ALDH1A1: variants seen among roughly 807,000 people sequenced by gnomAD.
ALDH1A1 encodes aldehyde dehydrogenase 1A1.
Under a neutral mutation model 62.1 loss-of-function variants are expected in ALDH1A1, and 19 were observed. That is an observed-to-expected ratio of 0.31 (90% CI 0.21 to 0.45). ALDH1A1 has a LOEUF of 0.45. Ranked by LOEUF, ALDH1A1 falls within the 20% of genes least tolerant of loss-of-function variation. ALDH1A1 has a pLI of 1.00. For missense variants in ALDH1A1, 521 were observed against 607.1 expected, an observed-to-expected ratio of 0.86 and a Z score of 1.49; for synonymous variants, 231 against 215.9, an observed-to-expected ratio of 1.07 and a Z score of -0.61.
intron 2 of ALDH1A1, among the ~76,000 whole-genome samples, chr9:72,935,744 G>C (rs532673700): frequency 2.6e-5 from 4 of 151,902 alleles, no homozygotes; most frequent in Admixed American, 6.6e-5. Context: ...TTATAATACC[G>C]TTGAAAGGCG....
rs141277348 is a variant in ALDH1A1, at chr9:72,943,592, C to T, written c.67-3340G>A. On this transcript the variant is annotated intron_variant, in intron 1 of 12. Coordinates refer to ENST00000297785, the MANE Select transcript of ALDH1A1 (RefSeq NM_000689.5). ...ACTGTTCTGCATTATTCAGTTTTAA[C>T]CTTTAAGACAGGAGGACACTGTGAG... Among the ~76,000 whole-genome samples the T allele has an allele frequency of 3.1e-4, 47 of 152,250 alleles. No homozygotes were observed. The East Asian group carries it at 6.0e-3, about 19-fold the overall frequency.
chr9:72,917,476 T>TA (rs1197061938), intron 8 of ALDH1A1, among the ~76,000 whole-genome samples: 39 of 151,696 alleles, frequency 2.6e-4, no homozygotes, highest in East Asian at 7.7e-4. Context: ...AAACAGATAA[T>TA]AAAAAAAACC....
In ALDH1A1 at chr9:72,928,879, CAA is replaced by C; in HGVS notation, c.442+11_442+12del. On this transcript the variant is annotated intron_variant, in intron 4 of 12. Coordinates refer to ENST00000297785, the MANE Select transcript of ALDH1A1 (RefSeq NM_000689.5). ...CCTATCCTCACCATTAGTGGTTTCT[CAA>C]AGATACTTACCAATTGGTATTGTAC... The C allele has an allele frequency of 6.2e-7, 1 of 1,612,620 alleles. No individual in the cohort carries two copies. The highest frequency in any genetic ancestry group is 8.5e-7 in the Non-Finnish European group (1 of 1,179,434).
rs775681478 is a variant in ALDH1A1 at position 72,940,150 on chromosome 9, T to C, written c.169A>G (p.Lys57Glu). Residue 57 changes from lysine to glutamate, a missense_variant and splice_region_variant, in exon 2 of 13, where the codon AAG becomes GAG. Physicochemically the swap from Lys to Glu is moderately conservative, Grantham distance 56. Transcript: ENST00000297785. ...EELCQVEEGD[K>E]EDVDKAVKAA... ...GAAACTAGTGTTCAGAAACTCACCT[T>C]ATCTCCTTCTTCTACCTGGCAGAGC... 4 of 1,610,288 alleles carry C rather than the reference T, an allele frequency of 2.5e-6. No homozygotes were observed. In the Admixed American group the frequency reaches 6.7e-5, roughly 27 times the overall value.
rs1351553161 is a variant in ALDH1A1 at position 72,918,725 on chromosome 9, G to A, written c.845C>T (p.Ala282Val). Residue 282 changes from alanine (A) to valine (V), a missense_variant, in exon 8 of 13, where the codon GCC becomes GTC. By Grantham distance (64) the Ala-to-Val change is moderately conservative (BLOSUM62 0). Coordinates refer to ENST00000297785, the MANE Select transcript of ALDH1A1 (RefSeq NM_000689.5). ...ACAAAGTGGTTTCTACTCACAGTCGGCATCAGCTAACACAATGCAAGGGCT... is the reference window on the plus strand; with the variant it reads ...ACAAAGTGGTTTCTACTCACAGTCGACATCAGCTAACACAATGCAAGGGCT... ...GKSPCIVLAD[A>V]DLDNAVEFAH... is the part of the protein sequence containing the mutation. The A allele has an allele frequency of 8.8e-6, 14 of 1,599,930 alleles. No homozygotes were observed. Among genetic ancestry groups the A allele is most frequent in the East Asian group, 2.3e-5 (1 of 44,094 alleles).
chr9:72,915,019 G>A (rs1830042948), intron 9 of ALDH1A1, among the ~76,000 whole-genome samples: 1 of 152,066 alleles, frequency 6.6e-6, no homozygotes, highest in African/African-American at 2.4e-5. Flanking sequence ...TGGTAAAGGA[G>A]CCCAGGGCTT....
intron 1 of ALDH1A1, among the ~76,000 whole-genome samples, chr9:72,950,003 G>A (rs192042152): frequency 1.3e-5 from 2 of 151,830 alleles, no homozygotes; most frequent in East Asian, 3.9e-4. Context: ...GGACATGACT[G>A]TACAAAAAAG....
chr9:72,908,544 AAAAGAAAG>A (rs558696848), intron 11 of ALDH1A1, among the ~76,000 whole-genome samples: 57 of 52,130 alleles, frequency 1.1e-3, no homozygotes, highest in African/African-American at 3.8e-3. Flanking sequence ...AGAAAGAAAG[AAAAGAAAG>A]AAGAAAGAAA....
intron 5 of ALDH1A1, 41 bp from the exon 6 acceptor site, chr9:72,925,653 A>G (rs759915629): frequency 1.9e-6 from 3 of 1,599,146 alleles, no homozygotes; most frequent in Non-Finnish European, 2.6e-6. Flanking sequence ...TGTATTGCAA[A>G]AGGCATATTT....
At chr9:72,945,326 T>G (rs946682832) in intron 1 of ALDH1A1, among the ~76,000 whole-genome samples, 2 of 151,754 alleles carry the variant, frequency 1.3e-5, no homozygotes, top group African/African-American at 4.8e-5. Context: ...ATTAATATTA[T>G]CTCGGCAGGG....
At chr9:72,907,930 A>C (rs151323257) in intron 11 of ALDH1A1, among the ~76,000 whole-genome samples, 183 of 152,310 alleles carry the variant, frequency 1.2e-3, no homozygotes, top group African/African-American at 4.0e-3. Flanking sequence ...AGAGTCTCCC[A>C]TTAGGCCCAC....
chr9:72,938,769 C>T (rs1185793258), intron 2 of ALDH1A1, among the ~76,000 whole-genome samples: 1 of 148,468 alleles, frequency 6.7e-6, no homozygotes, highest in African/African-American at 2.5e-5. Flanking sequence ...TTTAATGGAG[C>T]TTCACTCTTG....
chr9:72,927,251 G>C (rs1830223330), intron 4 of ALDH1A1, 74 bp from the exon 5 acceptor site: 6 of 1,099,714 alleles, frequency 5.5e-6, no homozygotes, highest in Non-Finnish European at 8.1e-6. Flanking sequence ...TTGGTGATGT[G>C]AGAGAAAGGT....
chr9:72,912,001 A>G lies in ALDH1A1; in HGVS notation c.1157T>C (p.Val386Ala). The G allele has an allele frequency of 6.2e-7, 1 of 1,614,000 alleles. No individual in the cohort carries two copies. Among genetic ancestry groups the G allele is most frequent in the Non-Finnish European group, 8.5e-7 (1 of 1,179,918 alleles). Residue 386 changes from valine (V) to alanine (A), a missense_variant, in exon 10 of 13, where the codon GTG becomes GCG. Transcript: ENST00000297785. ...CATCTCATCTGTAACATTAGAGAAC[A>G]CTGTGGGCTGGACAAAGTAGCCTTT... ...GNKGYFVQPT[V>A]FSNVTDEMRI...
At position 72,909,582 on chromosome 9, in the gene ALDH1A1, A is replaced by C; in HGVS notation, c.1358+20T>G. On this transcript the variant is annotated intron_variant, in intron 11 of 12. Transcript: ENST00000297785. ...ATGTGGTTATTACTGAAAAGGCTAC[A>C]TTCCTTAGGTTGGACTTACCACACT... The C allele has an allele frequency of 1.3e-6, 2 of 1,593,152 alleles. No homozygotes were observed. The highest frequency in any genetic ancestry group is 1.7e-6 in the Non-Finnish European group (2 of 1,171,892).
intron 2 of ALDH1A1, among the ~76,000 whole-genome samples, chr9:72,932,930 T>A (rs529116751): frequency 4.9e-4 from 75 of 152,318 alleles, no homozygotes; most frequent in Non-Finnish European, 8.2e-4. Context: ...TGGGCTATCA[T>A]AGGGATCTTG....
intron 2 of ALDH1A1, among the ~76,000 whole-genome samples, chr9:72,933,846 G>T (rs1830315357): frequency 6.6e-6 from 1 of 152,080 alleles, no homozygotes; most frequent in African/African-American, 2.4e-5. Context: ...AGGCTGGTGT[G>T]CAGTGGCACA....
chr9:72,938,192 T>C (rs1830368628), intron 2 of ALDH1A1, among the ~76,000 whole-genome samples: 1 of 152,112 alleles, frequency 6.6e-6, no homozygotes, highest in Non-Finnish European at 1.5e-5. Context: ...TGAATAATAT[T>C]ATCCTTGGGT....
chr9:72,950,062 G>A (rs1391357017), intron 1 of ALDH1A1, among the ~76,000 whole-genome samples: 1 of 151,702 alleles, frequency 6.6e-6, no homozygotes, highest in African/African-American at 2.4e-5. Flanking sequence ...GTAGGAAACA[G>A]GTCTAGGAAA....
Sources: allele counts gnomAD v4.1 joint callset (sites outside exome capture counted in the v4.1 genomes callset), GRCh38; gene constraint gnomAD v4.1.1; transcripts MANE v1.5; gene names NCBI Gene and HGNC (gene_info 2026-07-23, HGNC 2026-07-21).